The following SPATA22 variants were observed in gnomAD, a reference collection of about 807,000 sequenced individuals.
SPATA22 encodes the protein spermatogenesis-associated protein 22.
SPATA22 carries 29 observed loss-of-function variants against 47.8 expected under a neutral mutation model. The observed-to-expected ratio is 0.61, with a 90% confidence interval of 0.45 to 0.83. The LOEUF is 0.83. Among genes scored for constraint, SPATA22 ranks in the 40% least tolerant of loss-of-function variants. The pLI is 0.00. For missense variants in SPATA22, 410 were observed against 421.7 expected, an observed-to-expected ratio of 0.97 and a Z score of 0.24; for synonymous variants, 133 against 140.9, an observed-to-expected ratio of 0.94 and a Z score of 0.40.
intron 1 of SPATA22, among the ~76,000 whole-genome samples, chr17:3,486,109 T>A (rs1272124516): frequency 6.6e-6 from 1 of 152,234 alleles, no homozygotes; most frequent in South Asian, 2.1e-4. Flanking sequence ...ATTTTTTGCA[T>A]TTTTAGTAGA....
chr17:3,494,357 A>G, intron 1 of SPATA22: 1 of 1,607,284 alleles, frequency 6.2e-7, no homozygotes, highest in Non-Finnish European at 8.5e-7. Flanking sequence ...TAGGAAAAGA[A>G]TTTCCTCCCT....
At chr17:3,454,283 T>A (rs1294408012) in intron 5 of SPATA22, among the ~76,000 whole-genome samples, 1 of 148,718 alleles carries the variant, frequency 6.7e-6, no homozygotes, top group Non-Finnish European at 1.5e-5. Flanking sequence ...TGTTTTTTGT[T>A]TTATTTATTT....
chr17:3,494,126 A>G (rs933096045), intron 1 of SPATA22, among the ~76,000 whole-genome samples: 2 of 151,628 alleles, frequency 1.3e-5, no homozygotes, highest in Admixed American at 6.6e-5. Flanking sequence ...CCCAGGTTCA[A>G]GAGATTCTCC....
intron 1 of SPATA22, chr17:3,471,299 A>G (rs2073429416): frequency 4.5e-6 from 2 of 441,690 alleles, no homozygotes; most frequent in South Asian, 9.5e-5. Context: ...CTCACATCCT[A>G]TATTTAGAGG....
chr17:3,495,253 T>C (rs1236925263), intron 1 of SPATA22, among the ~76,000 whole-genome samples: 1 of 152,198 alleles, frequency 6.6e-6, no homozygotes, highest in Admixed American at 6.5e-5. Context: ...TGGTGGATTA[T>C]CTAGTCCAGG....
At chr17:3,440,792 C>A (rs2072581667) in intron 8 of SPATA22, 1 of 152,748 alleles carries the variant, frequency 6.5e-6, no homozygotes, top group African/African-American at 2.4e-5. Flanking sequence ...CCCCCTCACA[C>A]CCCATCTAGG....
At chr17:3,457,724 A>G (rs540142461) in intron 5 of SPATA22, among the ~76,000 whole-genome samples, 1 of 152,322 alleles carries the variant, frequency 6.6e-6, no homozygotes, top group South Asian at 2.1e-4. Flanking sequence ...ACAATGAGAA[A>G]AAAAGTCTCT....
chr17:3,454,338 T>A (rs1368322030), intron 5 of SPATA22, among the ~76,000 whole-genome samples: 1 of 151,982 alleles, frequency 6.6e-6, no homozygotes, highest in Non-Finnish European at 1.5e-5. Flanking sequence ...TTAGGGTACA[T>A]GTGCACAATG....
chr17:3,465,808 A>T (rs1162569243), intron 3 of SPATA22, among the ~76,000 whole-genome samples: 2 of 151,870 alleles, frequency 1.3e-5, no homozygotes, highest in African/African-American at 4.8e-5. Context: ...AAAAAAAAAC[A>T]ACACTGATGC....
chr17:3,494,480 A>T lies in SPATA22; in HGVS notation c.-74+18932T>A, dbSNP rs767226527. 27 of 1,545,580 alleles carry T rather than the reference A, an allele frequency of 1.7e-5. No individual in the cohort carries two copies. The African/African-American group carries it at 3.7e-4, about 21-fold the overall frequency. On this transcript the variant is annotated intron_variant, in intron 1 of 8. Transcript: ENST00000541913. ...TGCAGGTAACATTTGTTCTTTCTTT[A>T]AAATGTTGAAAATAATAATGCTGTA...
chr17:3,446,362 G>A (rs1337905326), intron 7 of SPATA22, 110 bp downstream of exon 7: 1 of 1,041,812 alleles, frequency 9.6e-7, no homozygotes, highest in East Asian at 2.8e-5. Context: ...ATACACTTTA[G>A]GGAGTAGCAA....
chr17:3,471,917 C>T, upstream of SPATA22: 4 of 952,930 alleles, frequency 4.2e-6, no homozygotes, highest in South Asian at 9.7e-5. Flanking sequence ...TGGCCGGGCG[C>T]GATGACGTTA....
chr17:3,469,719 C>T lies in SPATA22; in HGVS notation c.-73-321G>A, dbSNP rs79769856. Among the ~76,000 whole-genome samples, 862 of 152,324 alleles carry T rather than the reference C, an allele frequency of 5.7e-3. 39 individuals are homozygous for T. In the East Asian group the frequency reaches 0.11, roughly 20 times the overall value. Reference sequence around the variant, plus strand: ...CTACAAAGAGGAAAATGGACCACAGCGTTGGCAAACGTACATGCTTCCAAG... The same window carrying T: ...CTACAAAGAGGAAAATGGACCACAGTGTTGGCAAACGTACATGCTTCCAAG... On this transcript the variant is annotated intron_variant, in intron 1 of 8. Coordinates refer to ENST00000572969, the MANE Select transcript of SPATA22 (RefSeq NM_001170698.2).
chr17:3,446,682 C>T, intron 6 of SPATA22, 81 bp from the exon 7 acceptor site: 3 of 1,162,856 alleles, frequency 2.6e-6, no homozygotes, highest in Non-Finnish European at 3.5e-6. Flanking sequence ...CGTAAAAATT[C>T]TAAGTCCTTA....
intron 7 of SPATA22, among the ~76,000 whole-genome samples, chr17:3,445,390 A>G (rs562248017): frequency 6.6e-6 from 1 of 152,144 alleles, no homozygotes; most frequent in Non-Finnish European, 1.5e-5. Context: ...TTGATAAAGA[A>G]TCCCTGAAGT....
intron 5 of SPATA22, among the ~76,000 whole-genome samples, chr17:3,450,875 G>A (rs2072842863): frequency 6.6e-6 from 1 of 152,190 alleles, no homozygotes; most frequent in Non-Finnish European, 1.5e-5. Context: ...ATAGAAACAT[G>A]AAGTGAGCAC....
At position 3,467,464 on chromosome 17, in the gene SPATA22, G is replaced by A. The variant is rs1433949835; in HGVS notation, c.134C>T (p.Thr45Ile). The change falls in exon 3 of 9, where the codon ACC becomes ATC. Residue 45 changes from threonine to isoleucine, a missense_variant. Coordinates refer to ENST00000572969, the MANE Select transcript of SPATA22 (RefSeq NM_001170698.2). Reference protein sequence around the residue: ...NPLKDDSGISTPSDNYDFPPL... With the variant: ...NPLKDDSGISIPSDNYDFPPL... ...AGGAAAATCATAATTGTCAGAAGGG[G>A]TACTGATACCTGAATCATCTTTAAG... 2.5e-6 allele frequency: 4 copies of A among 1,608,180 alleles called. No homozygotes were observed. Among genetic ancestry groups the A allele is most frequent in the Admixed American group, 1.7e-5 (1 of 59,536 alleles).
chr17:3,504,101 C>T (rs539295750), intron 1 of SPATA22, among the ~76,000 whole-genome samples: 21 of 152,234 alleles, frequency 1.4e-4, no homozygotes, highest in African/African-American at 5.1e-4. Flanking sequence ...CCCCACTGTC[C>T]TCCACCTCCC....
chr17:3,462,888 G>T, intron 3 of SPATA22, 121 bp from the exon 4 acceptor site: 2 of 746,774 alleles, frequency 2.7e-6, no homozygotes, highest in East Asian at 2.7e-5. Context: ...TTGAATATAT[G>T]GATTTCTTCA....
Sources: allele counts gnomAD v4.1 joint callset (sites outside exome capture counted in the v4.1 genomes callset), GRCh38; gene constraint gnomAD v4.1.1; transcripts MANE v1.5; gene names NCBI Gene and HGNC (gene_info 2026-07-23, HGNC 2026-07-21).